Variants in PRDM16 observed in about 807,000 individuals in gnomAD.
The protein encoded by PRDM16 is PR/SET domain 16.
PRDM16 carries 23 observed loss-of-function variants against 110.6 expected under a neutral mutation model. The observed-to-expected ratio is 0.21, with a 90% CI of 0.15 to 0.29. The LOEUF (loss-of-function observed/expected upper bound fraction) is 0.29. Among genes scored for constraint, PRDM16 ranks in the 10% least tolerant of loss-of-function variants. The probability of loss-of-function intolerance (pLI) is 1.00; values close to 1 mark genes in which losing one functional copy is unlikely to be tolerated. For synonymous variants in PRDM16, 799 were observed against 781.8 expected (o/e 1.02, Z -0.37); for missense variants, 1,615 against 1,794.3 (o/e 0.90, Z 1.81).
At chr1:3,145,600 CAGCAGAACAGAGCCATG>C (rs957986207) in intron 1 of PRDM16, among the ~76,000 whole-genome samples, 3 of 152,180 alleles carry the variant, frequency 2.0e-5, no homozygotes, top group South Asian at 2.1e-4. Flanking sequence ...TGAAATTCCA[CAGCAGAACAGAGCCATG>C]AGCCTCCTGC....
At chr1:3,107,856 GC>G (rs1642701989) in intron 1 of PRDM16, among the ~76,000 whole-genome samples, 1 of 152,262 alleles carries the variant, frequency 6.6e-6, no homozygotes, top group African/African-American at 2.4e-5. Context: ...CAAGCTCTGG[GC>G]CTCAATGACC....
chr1:3,260,229 C>T (rs1489785202), intron 3 of PRDM16, among the ~76,000 whole-genome samples: 3 of 152,224 alleles, frequency 2.0e-5, no homozygotes, highest in Non-Finnish European at 4.4e-5. Flanking sequence ...GGGGGCCAGG[C>T]CCCAAGGACA....
intron 1 of PRDM16, among the ~76,000 whole-genome samples, chr1:3,077,795 T>C (rs2100571438): frequency 6.6e-6 from 1 of 152,322 alleles, no homozygotes; most frequent in African/African-American, 2.4e-5. Context: ...GTATCGTTGC[T>C]GTAGGCAGGG....
At chr1:3,134,640 G>A (rs539782024) in intron 1 of PRDM16, among the ~76,000 whole-genome samples, 4 of 152,384 alleles carry the variant, frequency 2.6e-5, no homozygotes, top group African/African-American at 4.8e-5. Flanking sequence ...TAACCGTGGC[G>A]GCTTGAAGGA....
At chr1:3,162,811 G>A (rs1050987727) in intron 1 of PRDM16, among the ~76,000 whole-genome samples, 3 of 152,190 alleles carry the variant, frequency 2.0e-5, no homozygotes, top group Non-Finnish European at 4.4e-5. Context: ...AGAGGTCAAG[G>A]GTCCAGGGTC....
At chr1:3,408,680 G>A (rs1338653019) in intron 8 of PRDM16, among the ~76,000 whole-genome samples, 1 of 149,824 alleles carries the variant, frequency 6.7e-6, no homozygotes, top group South Asian at 2.1e-4. Flanking sequence ...GTGAGTGTGA[G>A]CACGTGAGCC....
At chr1:3,324,464 C>A (rs1462256682) in intron 3 of PRDM16, among the ~76,000 whole-genome samples, 1 of 152,230 alleles carries the variant, frequency 6.6e-6, no homozygotes, top group Non-Finnish European at 1.5e-5. Flanking sequence ...CGGACACAGA[C>A]CTGGCAGCTC....
In PRDM16 at chr1:3,148,566, C is replaced by T. The variant is rs1643720346; in HGVS notation, c.38-37559C>T. Among the ~76,000 whole-genome samples, 1 of 152,218 alleles carries T rather than the reference C, an allele frequency of 6.6e-6. No homozygotes were observed. Among genetic ancestry groups the T allele is most frequent in the South Asian group, 2.1e-4 (1 of 4,834 alleles). On this transcript the variant is annotated intron_variant, in intron 1 of 16. Transcript: ENST00000270722. The surrounding 1 kb of genome is among the most constrained non-coding windows in gnomAD (Gnocchi z 5.0). ...CCTGGGGAGCAGCGTCAGGATTTTA[C>T]AATCCAGGAGATGTCAACTCCTTGC...
rs1445400863 is a variant in PRDM16 at position 3,430,852 on chromosome 1, C to A, written c.3285-20C>A. 21 of 1,611,760 alleles carry A rather than the reference C, an allele frequency of 1.3e-5. No homozygotes were observed. Among genetic ancestry groups the A allele is most frequent in the Non-Finnish European group, 1.6e-5 (19 of 1,178,312 alleles). On this transcript the variant is annotated intron_variant, in intron 14 of 16. Coordinates refer to ENST00000270722, the MANE Select transcript of PRDM16 (RefSeq NM_022114.4). ...ACAGAGACACCCAAACTCAGTCAAT[C>A]TCCTCCTGCATCATTTCAGGGCGGA...
At position 3,434,557 on chromosome 1, in the gene PRDM16, C is replaced by T. The variant is rs114512351; in HGVS notation, c.*746C>T. On this transcript the variant is annotated 3_prime_UTR_variant, in exon 17 of 17. Coordinates refer to ENST00000270722, the MANE Select transcript of PRDM16 (RefSeq NM_022114.4). Reference sequence around the variant, plus strand: ...GGGCCACACCCGTGAACCATGCAGACGGCCGAAGAAGTCTTAGGCAGGGCG... The same window carrying T: ...GGGCCACACCCGTGAACCATGCAGATGGCCGAAGAAGTCTTAGGCAGGGCG... 2,119 of 231,670 alleles carry T rather than the reference C, an allele frequency of 9.1e-3. 46 individuals are homozygous for T. Among genetic ancestry groups the T allele is most frequent in the African/African-American group, 0.042 (1,923 of 45,348 alleles). The allele number at this position is 231,670 out of a possible 1,614,324, so 14.4% of individuals were successfully genotyped here. A position where few individuals can be genotyped will look rare whatever the true frequency, so the allele number is the denominator to read the frequency against.
At chr1:3,383,191 G>A (rs753761083) in intron 3 of PRDM16, among the ~76,000 whole-genome samples, 5 of 152,240 alleles carry the variant, frequency 3.3e-5, no homozygotes, top group Non-Finnish European at 5.9e-5. Flanking sequence ...TGCCGTCTCT[G>A]AAATAAGACA....
At chr1:3,162,021 C>T (rs1473348896) in intron 1 of PRDM16, among the ~76,000 whole-genome samples, 2 of 152,356 alleles carry the variant, frequency 1.3e-5, no homozygotes, top group Non-Finnish European at 1.5e-5. Context: ...GGGGCCTCCA[C>T]ACCACCTCTC....
chr1:3,105,214 A>T (rs1642626223), intron 1 of PRDM16, among the ~76,000 whole-genome samples: 1 of 152,192 alleles, frequency 6.6e-6, no homozygotes, highest in Non-Finnish European at 1.5e-5. Context: ...CTGAGGGCTT[A>T]GACCTGGAGG....
At chr1:3,367,768 C>T (rs1328240276) in intron 3 of PRDM16, among the ~76,000 whole-genome samples, 1 of 152,046 alleles carries the variant, frequency 6.6e-6, no homozygotes, top group Non-Finnish European at 1.5e-5. Context: ...TTAATGGAGC[C>T]GGTAGTGAGT....
At chr1:3,136,169 C>T (rs1478547846) in intron 1 of PRDM16, among the ~76,000 whole-genome samples, 1 of 151,970 alleles carries the variant, frequency 6.6e-6, no homozygotes, top group Non-Finnish European at 1.5e-5. Flanking sequence ...TTTGGGCCTT[C>T]GTTACAGGGG....
Position 3,435,025 on chromosome 1 carries a change from C to T in PRDM16, c.*1214C>T, listed in dbSNP as rs539173241. On this transcript the variant is annotated 3_prime_UTR_variant, in exon 17 of 17. Coordinates refer to ENST00000270722, the MANE Select transcript of PRDM16 (RefSeq NM_022114.4). ...CGTCGCTCTTCCTGCGGGTTCTTGG[C>T]GAGACACAGCTTGAGAACAGAAGGG... 2.3e-4 allele frequency: 52 copies of T among 227,228 alleles called. No individual in the cohort carries two copies. In the East Asian group the frequency reaches 2.5e-3, roughly 11 times the overall value. 14.1% of individuals were successfully genotyped at this position (227,228 alleles called of 1,614,324 possible).
intron 2 of PRDM16, among the ~76,000 whole-genome samples, chr1:3,217,551 C>T (rs1430656965): frequency 1.3e-5 from 2 of 152,200 alleles, no homozygotes; most frequent in East Asian, 1.9e-4. Flanking sequence ...CATAAACTGG[C>T]CTCTGTCGAG....
chr1:3,396,257 C>T (rs1252139210), intron 4 of PRDM16: 5 of 578,704 alleles, frequency 8.6e-6, no homozygotes, highest in East Asian at 3.8e-5. Context: ...CCTGTTTAGT[C>T]GGCCACCCCC....
At chr1:3,083,357 G>A (rs995428125) in intron 1 of PRDM16, among the ~76,000 whole-genome samples, 1 of 152,246 alleles carries the variant, frequency 6.6e-6, no homozygotes, top group Non-Finnish European at 1.5e-5. Flanking sequence ...AGGCAGTGCG[G>A]CCATCTGGGC....
Sources: allele counts gnomAD v4.1 joint callset (sites outside exome capture counted in the v4.1 genomes callset), GRCh38; gene constraint gnomAD v4.1.1; non-coding constraint Gnocchi (gnomAD v3.1); transcripts MANE v1.5; gene names NCBI Gene and HGNC (gene_info 2026-07-23, HGNC 2026-07-21).